The following NR5A2 variants were observed in gnomAD, a reference collection of about 807,000 sequenced individuals.
NR5A2 encodes nuclear receptor subfamily 5 group A member 2.
Under a neutral mutation model 62.7 loss-of-function variants are expected in NR5A2, and 26 were observed. The observed-to-expected ratio is 0.41, with a 90% CI of 0.30 to 0.58. The LOEUF is 0.58. NR5A2 is among the 20% of genes least tolerant of loss of function. The probability of loss-of-function intolerance (pLI) is 0.22; values close to 1 mark genes in which losing one functional copy is unlikely to be tolerated. For missense variants in NR5A2, 541 were observed against 669.1 expected (o/e 0.81, Z 2.11); for synonymous variants, 246 against 241.7 (o/e 1.02, Z -0.16).
chr1:200,053,514 G>A (rs909631113), intron 5 of NR5A2, among the ~76,000 whole-genome samples: 5 of 148,066 alleles, frequency 3.4e-5, no homozygotes, highest in African/African-American at 1.2e-4. Flanking sequence ...GTAGATTCAG[G>A]TTCAAAGAAG....
chr1:200,047,584 C>CTTTTTTTTTTTT (rs3066613), intron 4 of NR5A2, among the ~76,000 whole-genome samples: 1 of 148,304 alleles, frequency 6.7e-6, no homozygotes, highest in Non-Finnish European at 1.5e-5. Context: ...TATTTCTTTT[C>CTTTTTTTTTTTT]TTTTTTTTGA....
At chr1:200,125,613 G>T (rs1022733965) in intron 7 of NR5A2, among the ~76,000 whole-genome samples, 1 of 152,162 alleles carries the variant, frequency 6.6e-6, no homozygotes, top group Non-Finnish European at 1.5e-5. Context: ...AGAGTTGCTT[G>T]TTTCATCCAC....
At chr1:200,120,767 C>T in intron 6 of NR5A2, 41 bp from the exon 7 acceptor site, 7 of 1,500,782 alleles carry the variant, frequency 4.7e-6, no homozygotes, top group Non-Finnish European at 6.2e-6. Context: ...ATACATATTG[C>T]TGATTCTGAT....
chr1:200,100,460 C>A (rs1665314021), intron 5 of NR5A2, among the ~76,000 whole-genome samples: 1 of 152,104 alleles, frequency 6.6e-6, no homozygotes, highest in Non-Finnish European at 1.5e-5. Context: ...AAGATGGGTG[C>A]CCAGGTCTCT....
chr1:200,081,436 C>T (rs1275305174), intron 5 of NR5A2, among the ~76,000 whole-genome samples: 1 of 152,174 alleles, frequency 6.6e-6, no homozygotes, highest in Non-Finnish European at 1.5e-5. Flanking sequence ...TCAAAGCATA[C>T]CACATAACTG....
At chr1:200,076,335 C>A (rs1287034357) in intron 5 of NR5A2, among the ~76,000 whole-genome samples, 1 of 152,040 alleles carries the variant, frequency 6.6e-6, no homozygotes, top group Non-Finnish European at 1.5e-5. Flanking sequence ...GTGTGGGAGT[C>A]GGAAACAGAT....
intron 5 of NR5A2, among the ~76,000 whole-genome samples, chr1:200,060,671 G>A (rs1291731987): frequency 6.6e-6 from 1 of 152,176 alleles, no homozygotes; most frequent in African/African-American, 2.4e-5. Flanking sequence ...CCCAGAGATG[G>A]TCACTAGTGT....
intron 5 of NR5A2, among the ~76,000 whole-genome samples, chr1:200,055,192 C>T (rs1237383515): frequency 6.6e-6 from 1 of 150,936 alleles, no homozygotes; most frequent in African/African-American, 2.4e-5. Flanking sequence ...CTGTGCCTGG[C>T]AGCCCTACTT....
chr1:200,079,630 C>T (rs1664198585), intron 5 of NR5A2, among the ~76,000 whole-genome samples: 1 of 152,222 alleles, frequency 6.6e-6, no homozygotes, highest in Non-Finnish European at 1.5e-5. Context: ...AGATGATCCT[C>T]TGTCCACAAT....
intron 1 of NR5A2, among the ~76,000 whole-genome samples, chr1:200,038,980 G>T (rs1661915049): frequency 6.6e-6 from 1 of 151,842 alleles, no homozygotes; most frequent in Non-Finnish European, 1.5e-5. Flanking sequence ...CCAACCCCTG[G>T]CCCTACTTAC....
intron 7 of NR5A2, among the ~76,000 whole-genome samples, chr1:200,164,007 C>T (rs1653777258): frequency 1.3e-5 from 2 of 151,904 alleles, no homozygotes; most frequent in Admixed American, 6.6e-5. Flanking sequence ...TCCCTCAGGG[C>T]CTGGTGTTGT....
intron 7 of NR5A2, among the ~76,000 whole-genome samples, chr1:200,170,361 T>A (rs2246917): frequency 0.36 from 54,822 of 152,058 alleles, 10,493 homozygotes; most frequent in African/African-American, 0.49. Flanking sequence ...TCTATTTATA[T>A]GGGATTCATG....
At chr1:200,112,221 C>G (rs1341310120) in intron 6 of NR5A2, among the ~76,000 whole-genome samples, 10 of 152,128 alleles carry the variant, frequency 6.6e-5, no homozygotes, top group Non-Finnish European at 1.5e-5. Flanking sequence ...TGAGCAAAGT[C>G]TTAAAGGAGG....
At chr1:200,076,165 G>A (rs996492667) in intron 5 of NR5A2, among the ~76,000 whole-genome samples, 1 of 152,110 alleles carries the variant, frequency 6.6e-6, no homozygotes, top group Non-Finnish European at 1.5e-5. Context: ...ACATAACCCC[G>A]GTTCCAATAT....
chr1:200,105,235 C>T (rs920215796), intron 5 of NR5A2, among the ~76,000 whole-genome samples: 26 of 152,130 alleles, frequency 1.7e-4, no homozygotes, highest in African/African-American at 6.3e-4. Flanking sequence ...GTTGGGATTA[C>T]AGGCATGTGG....
intron 7 of NR5A2, among the ~76,000 whole-genome samples, chr1:200,152,088 G>A (rs1018004386): frequency 2.0e-5 from 3 of 152,192 alleles, no homozygotes; most frequent in Non-Finnish European, 2.9e-5. Context: ...ACCAATTAGT[G>A]CATGTAAATT....
chr1:200,106,906 A>G (rs1294607720), intron 5 of NR5A2, among the ~76,000 whole-genome samples: 1 of 152,170 alleles, frequency 6.6e-6, no homozygotes, highest in African/African-American at 2.4e-5. Context: ...GAAGCTGCAC[A>G]CTCACCAATT....
At chr1:200,078,706 C>A (rs1664152923) in intron 5 of NR5A2, among the ~76,000 whole-genome samples, 1 of 152,148 alleles carries the variant, frequency 6.6e-6, no homozygotes, top group African/African-American at 2.4e-5. Flanking sequence ...AAAGTAACTT[C>A]ATGCATGTGC....
intron 5 of NR5A2, among the ~76,000 whole-genome samples, chr1:200,063,044 G>A (rs976140226): frequency 1.5e-4 from 23 of 149,598 alleles, no homozygotes; most frequent in Non-Finnish European, 2.5e-4. Context: ...TTTTTTTTGA[G>A]ATGGAGTCTC....
Sources: gnomAD v4.1 joint callset for allele counts (sites outside exome capture counted in the v4.1 genomes callset) on GRCh38, gnomAD v4.1.1 for gene constraint, MANE v1.5 for transcripts, NCBI Gene and HGNC (gene_info 2026-07-23, HGNC 2026-07-21) for gene names.